The following MYO6 variants were observed in gnomAD, a reference collection of about 807,000 sequenced individuals.
MYO6 encodes unconventional myosin-VI.
Under a neutral mutation model 178.7 loss-of-function variants are expected in MYO6, and 74 were observed. That is an observed-to-expected ratio of 0.41 (90% CI 0.34 to 0.50). The LOEUF (loss-of-function observed/expected upper bound fraction) is 0.50. MYO6 is among the 20% of genes least tolerant of loss of function. The pLI is 0.09. For missense variants in MYO6, 1,330 were observed against 1,547.4 expected, an observed-to-expected ratio of 0.86 and a Z score of 2.36; for synonymous variants, 477 against 504.6, an observed-to-expected ratio of 0.95 and a Z score of 0.73.
chr6:75,872,508 A>T (rs1372457064), intron 19 of MYO6, among the ~76,000 whole-genome samples: 2 of 152,100 alleles, frequency 1.3e-5, no homozygotes, highest in Non-Finnish European at 2.9e-5. Flanking sequence ...AATTTTATTT[A>T]CTCCTTTTGT....
intron 1 of MYO6, among the ~76,000 whole-genome samples, chr6:75,762,601 C>G (rs1046897690): frequency 6.6e-6 from 1 of 152,200 alleles, no homozygotes; most frequent in African/African-American, 2.4e-5. Context: ...CTATGCCCCA[C>G]TCTCAAGTCC....
intron 3 of MYO6, 144 bp from the exon 4 acceptor site, chr6:75,828,396 G>GC: frequency 1.7e-6 from 1 of 602,530 alleles, no homozygotes; most frequent in Admixed American, 2.9e-5. Context: ...GTTTACATCA[G>GC]CCAGGGTTTT....
chr6:75,774,981 A>G (rs762219572), intron 1 of MYO6, among the ~76,000 whole-genome samples: 50 of 151,940 alleles, frequency 3.3e-4, no homozygotes, highest in Middle Eastern at 3.2e-3. Context: ...TTTAGTAGAG[A>G]TGGGGTTTCA....
intron 19 of MYO6, among the ~76,000 whole-genome samples, chr6:75,871,379 A>G (rs950834380): frequency 1.3e-5 from 2 of 152,022 alleles, no homozygotes; most frequent in Non-Finnish European, 2.9e-5. Flanking sequence ...CCTCCCAACT[A>G]GCTGAGACTA....
Position 75,774,918 on chromosome 6 carries a change from C to G in MYO6, c.-48+25495C>G, listed in dbSNP as rs150221464. The stretch of plus-strand genomic sequence containing the variant: ...AAGCGATTCTCCTGCCTCAGCCTCC[C>G]GAGTAGCTGGGATTGCAGGCACATG... On this transcript the variant is annotated intron_variant, in intron 1 of 34. Coordinates refer to ENST00000369977, the MANE Select transcript of MYO6 (RefSeq NM_004999.4). Among the ~76,000 whole-genome samples the G allele has an allele frequency of 0.013, 1,910 of 152,018 alleles. 65 individuals carry two copies. In the East Asian group the frequency reaches 0.13, roughly 11 times the overall value.
chr6:75,839,984 T>A (rs1774054039), intron 7 of MYO6, among the ~76,000 whole-genome samples: 1 of 151,960 alleles, frequency 6.6e-6, no homozygotes, highest in Non-Finnish European at 1.5e-5. Context: ...AAAGTCTAGT[T>A]ATAAATTTTG....
In MYO6 at chr6:75,908,690, A is replaced by T; in HGVS notation, c.3412+63A>T. On this transcript the variant is annotated intron_variant, in intron 32 of 34. Transcript: ENST00000369977. ...TATGTATATAAATGCATGTATCTGT[A>T]CTTAAGACATGGGTAAAATGTCCCA... The T allele has an allele frequency of 2.6e-6, 4 of 1,545,884 alleles. No homozygotes were observed. The South Asian group carries it at 4.5e-5, about 17-fold the overall frequency.
chr6:75,787,667 A>G (rs1216180209), intron 1 of MYO6, among the ~76,000 whole-genome samples: 2 of 125,580 alleles, frequency 1.6e-5, no homozygotes, highest in Non-Finnish European at 1.7e-5. Context: ...ATATGGGGGA[A>G]TGGAACTATT....
At chr6:75,782,897 TTAGC>T (rs762796683) in intron 1 of MYO6, among the ~76,000 whole-genome samples, 5 of 150,456 alleles carry the variant, frequency 3.3e-5, no homozygotes, top group African/African-American at 5.0e-5. Context: ...TAATCCTCAG[TTAGC>T]TAGTTAGCTT....
chr6:75,752,767 T>C (rs1777008550), intron 1 of MYO6, among the ~76,000 whole-genome samples: 1 of 152,216 alleles, frequency 6.6e-6, no homozygotes, highest in East Asian at 1.9e-4. Flanking sequence ...TGCTTTCTCA[T>C]TTCTCGTATA....
chr6:75,838,339 G>T (rs1773859894), intron 7 of MYO6, among the ~76,000 whole-genome samples: 1 of 152,070 alleles, frequency 6.6e-6, no homozygotes, highest in Non-Finnish European at 1.5e-5. Flanking sequence ...TTACAGGTGT[G>T]AACCACTGCA....
At chr6:75,808,319 C>A (rs938171962) in intron 1 of MYO6, among the ~76,000 whole-genome samples, 2 of 152,158 alleles carry the variant, frequency 1.3e-5, no homozygotes, top group African/African-American at 4.8e-5. Flanking sequence ...AGATGGCAGC[C>A]TTTTCTCTGT....
chr6:75,821,794 G>T (rs1441006180), intron 2 of MYO6, among the ~76,000 whole-genome samples: 1 of 152,104 alleles, frequency 6.6e-6, no homozygotes, highest in Non-Finnish European at 1.5e-5. Context: ...TGTGAGAATG[G>T]CATGGATTAA....
chr6:75,852,083 G>A (rs569141603), intron 11 of MYO6, among the ~76,000 whole-genome samples: 1 of 150,716 alleles, frequency 6.6e-6, no homozygotes, highest in African/African-American at 2.4e-5. Flanking sequence ...ATAGTATTTT[G>A]CCTTTTAAGA....
At chr6:75,820,775 C>T (rs1320307781) in intron 2 of MYO6, among the ~76,000 whole-genome samples, 1 of 152,082 alleles carries the variant, frequency 6.6e-6, no homozygotes, top group Non-Finnish European at 1.5e-5. Flanking sequence ...ATCTCTCCCT[C>T]CCCCCCATTC....
At chr6:75,779,398 C>A (rs2842545) in intron 1 of MYO6, among the ~76,000 whole-genome samples, 117,187 of 152,004 alleles carry the variant, frequency 0.77, 46,399 homozygotes, top group East Asian at 0.95. Context: ...ACTACTTGGG[C>A]GGCTGAGGCA....
chr6:75,885,166 G>A (rs1314720324), intron 23 of MYO6, among the ~76,000 whole-genome samples: 4 of 152,120 alleles, frequency 2.6e-5, no homozygotes, highest in African/African-American at 9.7e-5. Flanking sequence ...AATTTCCTTG[G>A]TTGTAATTTT....
rs1169493112 is a variant in MYO6, at chr6:75,828,587, G to A, written c.235G>A (p.Val79Ile). 3 of 1,582,428 alleles carry A rather than the reference G, an allele frequency of 1.9e-6. No individual in the cohort carries two copies. Among genetic ancestry groups the A allele is most frequent in the African/African-American group, 2.7e-5 (2 of 74,156 alleles). The stretch of plus-strand genomic sequence containing the variant: ...AGCCACACTGCTCCATAATATCAAA[G>A]TTCGATATAGTAAAGACAGAATTTA... Reference protein sequence around the residue: ...NEATLLHNIKVRYSKDRIYTY... With the variant: ...NEATLLHNIKIRYSKDRIYTY... Residue 79 changes from valine (V) to isoleucine (I), a missense_variant, in exon 4 of 35, where the codon GTT becomes ATT. By Grantham distance (29) the Val-to-Ile change is conservative. Around this residue, in one of 3 missense-constraint regions of MYO6, gnomAD observed 116 missense variants for 104.6 expected, o/e 1.11. Transcript: ENST00000369977.
At chr6:75,805,243 C>G (rs973711721) in intron 1 of MYO6, among the ~76,000 whole-genome samples, 1 of 151,362 alleles carries the variant, frequency 6.6e-6, no homozygotes, top group Non-Finnish European at 1.5e-5. Flanking sequence ...AGGCTGGTCT[C>G]GAACTCCTGC....
Sources: allele counts gnomAD v4.1 joint callset (sites outside exome capture counted in the v4.1 genomes callset), GRCh38; gene constraint gnomAD v4.1.1; regional missense constraint gnomAD v4.1.1; transcripts MANE v1.5; gene names NCBI Gene and HGNC (gene_info 2026-07-23, HGNC 2026-07-21).